AFF2: variants seen among roughly 807,000 people sequenced by gnomAD.
The protein encoded by AFF2 is AF4/FMR2 family member 2.
A neutral mutation model predicts 76.9 loss-of-function variants in AFF2; 14 were observed. The ratio of observed to expected loss-of-function variants is 0.18; its 90% CI spans 0.12 to 0.28. AFF2 has a LOEUF of 0.28. AFF2 is among the 10% of genes least tolerant of loss of function. AFF2 has a pLI of 1.00. For missense variants in AFF2, 868 were observed against 1,001.1 expected, an observed-to-expected ratio of 0.87 and a Z score of 1.79; for synonymous variants, 398 against 366.7, an observed-to-expected ratio of 1.09 and a Z score of -0.98.
chrX:148,562,150 G>A, intron 1 of AFF2, among the ~76,000 whole-genome samples: 1 of 112,485 alleles, frequency 8.9e-6, no homozygotes, highest in East Asian at 2.8e-4. Context: ...GCAAATGACA[G>A]CTTTGTTCTG....
At chrX:148,520,663 T>C (rs1279507117) in intron 1 of AFF2, among the ~76,000 whole-genome samples, 1 of 112,613 alleles carries the variant, frequency 8.9e-6, no homozygotes, top group Admixed American at 9.4e-5. Flanking sequence ...AAGAAAGGCC[T>C]TTATCCTTAT....
intron 1 of AFF2, among the ~76,000 whole-genome samples, chrX:148,517,548 C>A (rs782625416): frequency 6.3e-5 from 7 of 111,804 alleles, no homozygotes; most frequent in Non-Finnish European, 1.3e-4. Flanking sequence ...GTACAAGAGG[C>A]ATCTTAAGTC....
At chrX:148,696,348 A>G (rs1557261285) in intron 3 of AFF2, among the ~76,000 whole-genome samples, 1 of 110,689 alleles carries the variant, frequency 9.0e-6, no homozygotes, top group Admixed American at 9.7e-5. Context: ...TACCTAACGT[A>G]AATGAGGAGT....
intron 1 of AFF2, among the ~76,000 whole-genome samples, chrX:148,551,576 A>G (rs1226935579): frequency 9.2e-6 from 1 of 108,305 alleles, no homozygotes; most frequent in Non-Finnish European, 1.9e-5. Flanking sequence ...GATCCTTGGT[A>G]TCACAACTTT....
intron 9 of AFF2, among the ~76,000 whole-genome samples, chrX:148,943,367 C>T (rs1396925564): frequency 8.9e-6 from 1 of 112,275 alleles, no homozygotes; most frequent in Non-Finnish European, 1.9e-5. Context: ...GCACCAAATT[C>T]TTACAACCAG....
chrX:148,612,164 G>A (rs1285925150), intron 1 of AFF2, among the ~76,000 whole-genome samples: 1 of 111,893 alleles, frequency 8.9e-6, no homozygotes, highest in East Asian at 2.8e-4. Flanking sequence ...GTTCATGTAA[G>A]TTTTGTGGTA....
In AFF2 at chrX:148,800,627, C is replaced by T. The variant is rs376945925; in HGVS notation, c.1042-9249C>T. Among the ~76,000 whole-genome samples the T allele has an allele frequency of 1.4e-4, 15 of 110,852 alleles. 1 individual carries two copies. In the East Asian group the frequency reaches 4.0e-3, roughly 29 times the overall value. On this transcript the variant is annotated intron_variant, in intron 3 of 20. Transcript: ENST00000370460. ...CATATTTAAAAGCTTCTTTTTTAAA[C>T]GGGGTTATGGAACTTAATTTAAGAC... is the stretch of plus-strand genomic sequence containing the variant.
chrX:148,535,682 T>G (rs2052776613), intron 1 of AFF2, among the ~76,000 whole-genome samples: 5 of 112,193 alleles, frequency 4.5e-5, no homozygotes, highest in Non-Finnish European at 9.4e-5. Context: ...TATAGAAGAT[T>G]GGTGGGCCTA....
intron 9 of AFF2, among the ~76,000 whole-genome samples, chrX:148,916,196 C>CT (rs782508166): frequency 0.011 from 361 of 34,027 alleles, 40 homozygotes; most frequent in African/African-American, 0.039. Context: ...GTGGTTTTAA[C>CT]TTTTTTTTTT....
chrX:148,916,374 T>C (rs2071532563), intron 9 of AFF2, among the ~76,000 whole-genome samples: 1 of 107,791 alleles, frequency 9.3e-6, no homozygotes, highest in Non-Finnish European at 1.9e-5. Context: ...CACGCCCGGC[T>C]AATTTTTTTG....
At chrX:148,778,247 G>A (rs782313554) in intron 3 of AFF2, among the ~76,000 whole-genome samples, 41 of 111,488 alleles carry the variant, frequency 3.7e-4, no homozygotes, top group Non-Finnish European at 4.7e-4. Flanking sequence ...TGCTGGATTC[G>A]GTTTGCCAGC....
At chrX:148,774,417 G>A (rs782067524) in intron 3 of AFF2, among the ~76,000 whole-genome samples, 30 of 111,266 alleles carry the variant, frequency 2.7e-4, no homozygotes, top group Non-Finnish European at 5.1e-4. Flanking sequence ...GGAAAGATTT[G>A]TCTAACACCC....
intron 3 of AFF2, among the ~76,000 whole-genome samples, chrX:148,747,497 A>G (rs241132): frequency 0.02 from 2,245 of 112,136 alleles, 19 homozygotes; most frequent in Non-Finnish European, 0.03. Context: ...AAGACATTTA[A>G]CTTAAAAGCA....
chrX:148,781,254 T>G (rs2069740323), intron 3 of AFF2, among the ~76,000 whole-genome samples: 1 of 112,287 alleles, frequency 8.9e-6, no homozygotes, highest in Non-Finnish European at 1.9e-5. Context: ...TCTAACGCTG[T>G]GCTGGGAGAT....
intron 1 of AFF2, among the ~76,000 whole-genome samples, chrX:148,614,786 CTT>C (rs1259298679): frequency 1.7e-4 from 12 of 69,736 alleles, no homozygotes; most frequent in African/African-American, 9.0e-4. Context: ...TTCTTTCTTT[CTT>C]TCTTCCTTTC....
At chrX:148,806,249 C>T (rs1360709803) in intron 3 of AFF2, among the ~76,000 whole-genome samples, 4 of 112,204 alleles carry the variant, frequency 3.6e-5, no homozygotes, top group African/African-American at 6.5e-5. Context: ...CATTTGGGGC[C>T]GAGCCCCAGC....
At chrX:148,921,982 C>T (rs16994822) in intron 9 of AFF2, among the ~76,000 whole-genome samples, 5,381 of 111,331 alleles carry the variant, frequency 0.048, 316 homozygotes, top group African/African-American at 0.17. Flanking sequence ...CAAACTCATT[C>T]CAATTACACA....
intron 3 of AFF2, among the ~76,000 whole-genome samples, chrX:148,691,673 C>T (rs1463971417): frequency 9.0e-6 from 1 of 111,301 alleles, no homozygotes; most frequent in Non-Finnish European, 1.9e-5. Context: ...GTGAGTGGAC[C>T]CAATGTAGTT....
intron 3 of AFF2, among the ~76,000 whole-genome samples, chrX:148,800,612 A>G (rs2070044348): frequency 1.8e-5 from 2 of 111,700 alleles, no homozygotes; most frequent in South Asian, 7.5e-4. Flanking sequence ...CATATTTAAA[A>G]GCTTCTTTTT....
Sources: allele counts gnomAD v4.1 joint callset (sites outside exome capture counted in the v4.1 genomes callset), GRCh38; gene constraint gnomAD v4.1.1; transcripts MANE v1.5; gene names NCBI Gene and HGNC (gene_info 2026-07-23, HGNC 2026-07-21).